ZBTB8A: variants seen among roughly 807,000 people sequenced by gnomAD.
ZBTB8A encodes the protein zinc finger and BTB domain containing 8A.
ZBTB8A carries 19 observed loss-of-function variants against 37.8 expected under a neutral mutation model. That is an observed-to-expected ratio of 0.50 (90% CI 0.35 to 0.74). The LOEUF is 0.74. Ranked by LOEUF, ZBTB8A falls within the 30% of genes least tolerant of loss-of-function variation. ZBTB8A has a pLI of 0.01. For synonymous variants in ZBTB8A, 181 were observed against 185.2 expected (o/e 0.98, Z 0.19); for missense variants, 394 against 537.8 (o/e 0.73, Z 2.65).
intron 2 of ZBTB8A, among the ~76,000 whole-genome samples, chr1:32,565,550 A>G (rs976554490): frequency 2.6e-5 from 4 of 151,956 alleles, no homozygotes; most frequent in African/African-American, 9.7e-5. Flanking sequence ...GCTACTCAGG[A>G]GGCTGAGGTG....
chr1:32,570,243 G>C (rs560543869), intron 2 of ZBTB8A, among the ~76,000 whole-genome samples: 3 of 152,144 alleles, frequency 2.0e-5, no homozygotes, highest in Non-Finnish European at 4.4e-5. Context: ...ATATATTCAT[G>C]TGTCTATTTC....
intron 2 of ZBTB8A, among the ~76,000 whole-genome samples, chr1:32,569,114 C>A (rs141985770): frequency 6.6e-6 from 1 of 152,146 alleles, no homozygotes; most frequent in African/African-American, 2.4e-5. Context: ...CACATCCTTG[C>A]CAACATTTGG....
At position 32,593,619 on chromosome 1, in the gene ZBTB8A, G is replaced by C; in HGVS notation, c.688G>C (p.Glu230Gln). The C allele has an allele frequency of 6.2e-7, 1 of 1,614,188 alleles. No individual in the cohort carries two copies. Among genetic ancestry groups the C allele is most frequent in the Non-Finnish European group, 8.5e-7 (1 of 1,180,048 alleles). Residue 230 changes from glutamate to glutamine, a missense_variant, in exon 3 of 5, where the codon GAA (glutamate) becomes CAA (glutamine). Transcript: ENST00000373510. The part of the protein sequence containing the change: ...EVTHYKSSKR[E>Q]VRTSDSSSHV... ...TACTCATTATAAGTCAAGCAAACGA[G>C]AAGTACGAACATCTGATTCTTCCAG...
At chr1:32,552,226 T>G (rs1206013372) in intron 1 of ZBTB8A, among the ~76,000 whole-genome samples, 17 of 152,200 alleles carry the variant, frequency 1.1e-4, no homozygotes, top group Non-Finnish European at 2.9e-5. Flanking sequence ...TAGCCAAGCT[T>G]GGTGGTGGGT....
At chr1:32,567,530 C>G (rs183832859) in intron 2 of ZBTB8A, among the ~76,000 whole-genome samples, 3 of 152,170 alleles carry the variant, frequency 2.0e-5, no homozygotes, top group African/African-American at 4.8e-5. Flanking sequence ...CATGGTGGCT[C>G]ACACCTGTAA....
chr1:32,575,226 C>CTTTTT (rs778765276), intron 2 of ZBTB8A, among the ~76,000 whole-genome samples: 6 of 100,988 alleles, frequency 5.9e-5, no homozygotes, highest in Non-Finnish European at 1.2e-4. Context: ...CTTTTCTTTC[C>CTTTTT]TTTTTTTTTT....
At chr1:32,583,778 C>G (rs951961059) in intron 2 of ZBTB8A, among the ~76,000 whole-genome samples, 2 of 152,026 alleles carry the variant, frequency 1.3e-5, no homozygotes, top group African/African-American at 4.8e-5. Flanking sequence ...GAGTCTCACT[C>G]TGTCACCCAG....
At chr1:32,596,413 A>T (rs2148253245) in intron 4 of ZBTB8A, among the ~76,000 whole-genome samples, 2 of 150,082 alleles carry the variant, frequency 1.3e-5, no homozygotes, top group South Asian at 4.2e-4. Context: ...GTGAAACCCC[A>T]TCCACCAAAA....
intron 2 of ZBTB8A, among the ~76,000 whole-genome samples, chr1:32,579,742 C>T (rs949696800): frequency 3.3e-5 from 5 of 152,042 alleles, no homozygotes; most frequent in South Asian, 2.1e-4. Context: ...GGATCACAGT[C>T]GCATACTCAC....
chr1:32,555,226 A>C (rs1644192042), intron 2 of ZBTB8A, among the ~76,000 whole-genome samples: 1 of 152,086 alleles, frequency 6.6e-6, no homozygotes, highest in Admixed American at 6.6e-5. Context: ...TGTCTCTACT[A>C]GAAATAGAAA....
At chr1:32,546,604 G>A (rs888701532) in intron 1 of ZBTB8A, among the ~76,000 whole-genome samples, 3 of 152,214 alleles carry the variant, frequency 2.0e-5, no homozygotes, top group Admixed American at 6.5e-5. Context: ...TCGTACCACT[G>A]CACTCCAGGC....
chr1:32,590,636 C>T (rs1474863773), intron 2 of ZBTB8A, among the ~76,000 whole-genome samples: 1 of 152,134 alleles, frequency 6.6e-6, no homozygotes, highest in Admixed American at 6.5e-5. Flanking sequence ...GTATTTTATC[C>T]AGCGTCTCTA....
Position 32,602,992 on chromosome 1 carries a change from A to G in ZBTB8A, c.*2573A>G, listed in dbSNP as rs1644588886. 1 of 152,224 alleles carries G rather than the reference A, an allele frequency of 6.6e-6. No individual in the cohort carries two copies. The highest frequency in any genetic ancestry group is 2.1e-4 in the South Asian group (1 of 4,834). 9.4% of individuals were successfully genotyped at this position (152,224 alleles called of 1,614,324 possible). ...GGTTACTTTCTTTTAAAAAATTTAA[A>G]AATAGATGAATAACCACTTGTTTCA... On this transcript the variant is annotated 3_prime_UTR_variant, in exon 5 of 5. Coordinates refer to ENST00000373510, the MANE Select transcript of ZBTB8A (RefSeq NM_001040441.3).
intron 2 of ZBTB8A, among the ~76,000 whole-genome samples, chr1:32,563,401 C>T (rs934745221): frequency 6.6e-6 from 1 of 152,166 alleles, no homozygotes; most frequent in African/African-American, 2.4e-5. Flanking sequence ...CCTGATTCCC[C>T]ACCCTACAGG....
At chr1:32,574,475 T>C (rs1484855130) in intron 2 of ZBTB8A, among the ~76,000 whole-genome samples, 1 of 152,112 alleles carries the variant, frequency 6.6e-6, no homozygotes, top group Non-Finnish European at 1.5e-5. Context: ...CATGCACCTG[T>C]GGTCCTAGTT....
At chr1:32,573,055 C>G (rs1644333329) in intron 2 of ZBTB8A, among the ~76,000 whole-genome samples, 1 of 146,876 alleles carries the variant, frequency 6.8e-6, no homozygotes, top group Non-Finnish European at 1.5e-5. Context: ...CTCCTTTTCT[C>G]TAGTTCTCTA....
At position 32,540,642 on chromosome 1, in the gene ZBTB8A, G is replaced by C. The variant is rs529305962; in HGVS notation, c.-84+1070G>C. ...CTTTAGAAGGGCCAGTCTTAACACA[G>C]CGCTTCCCTGCTCTAAAAACCTTAA... is the stretch of plus-strand genomic sequence containing the variant. On this transcript the variant is annotated intron_variant, in intron 1 of 4. Transcript: ENST00000373510. Among the ~76,000 whole-genome samples, 142 of 152,184 alleles carry C rather than the reference G, an allele frequency of 9.3e-4. 3 individuals carry two copies. Among genetic ancestry groups the C allele is most frequent in the Middle Eastern group, 6.8e-3 (2 of 294 alleles).
intron 2 of ZBTB8A, among the ~76,000 whole-genome samples, chr1:32,577,041 T>A (rs1644365819): frequency 6.7e-6 from 1 of 149,298 alleles, no homozygotes; most frequent in Non-Finnish European, 1.5e-5. Context: ...CCAAGCTAAT[T>A]TTTTGTATTT....
At chr1:32,564,964 A>G (rs1471886160) in intron 2 of ZBTB8A, among the ~76,000 whole-genome samples, 2 of 152,222 alleles carry the variant, frequency 1.3e-5, no homozygotes, top group African/African-American at 2.4e-5. Flanking sequence ...TTACTTTGCA[A>G]AGTGACTAAT....
Sources: gnomAD v4.1 joint callset for allele counts (sites outside exome capture counted in the v4.1 genomes callset) on GRCh38, gnomAD v4.1.1 for gene constraint, MANE v1.5 for transcripts, NCBI Gene and HGNC (gene_info 2026-07-23, HGNC 2026-07-21) for gene names.